HIVEP2: variants seen among roughly 807,000 people sequenced by gnomAD.
HIVEP2 encodes transcription factor HIVEP2.
Under a neutral mutation model 180.7 loss-of-function variants are expected in HIVEP2, and 14 were observed. The observed-to-expected ratio is 0.08, with a 90% CI of 0.05 to 0.12. The LOEUF is 0.12. Ranked by LOEUF, HIVEP2 falls within the 10% of genes least tolerant of loss-of-function variation. The pLI is 1.00. For synonymous variants in HIVEP2, 1,184 were observed against 1,136.4 expected (o/e 1.04, Z -0.84); for missense variants, 2,579 against 3,008.5 (o/e 0.86, Z 3.34).
intron 8 of HIVEP2, 78 bp downstream of exon 8, chr6:142,761,386 A>G (rs1775232342): frequency 1.4e-6 from 1 of 700,580 alleles, no homozygotes; most frequent in African/African-American, 1.8e-5. Context: ...AAATATCTAA[A>G]CTTATTTTAC....
chr6:142,886,353 T>A (rs1776698586), intron 1 of HIVEP2, among the ~76,000 whole-genome samples: 1 of 152,210 alleles, frequency 6.6e-6, no homozygotes, highest in Admixed American at 6.5e-5. Context: ...GTATAACCAT[T>A]TTAATAGTTT....
At chr6:142,760,993 C>T (rs1353590432) in intron 8 of HIVEP2, among the ~76,000 whole-genome samples, 1 of 152,202 alleles carries the variant, frequency 6.6e-6, no homozygotes, top group African/African-American at 2.4e-5. Flanking sequence ...GAAAGAAAGG[C>T]AACAACCTGT....
intron 2 of HIVEP2, among the ~76,000 whole-genome samples, chr6:142,819,271 G>A (rs1317424018): frequency 6.6e-6 from 1 of 152,012 alleles, no homozygotes; most frequent in Non-Finnish European, 1.5e-5. Context: ...AATGCTTGGG[G>A]TTCAAGGTCT....
chr6:142,809,984 A>T (rs1175459019), intron 2 of HIVEP2, among the ~76,000 whole-genome samples: 2 of 152,238 alleles, frequency 1.3e-5, no homozygotes, highest in African/African-American at 4.8e-5. Context: ...GTCATAGGAC[A>T]TAGGCTAGGC....
chr6:142,842,918 A>C (rs1447184803), intron 1 of HIVEP2, among the ~76,000 whole-genome samples: 1 of 152,170 alleles, frequency 6.6e-6, no homozygotes, highest in Non-Finnish European at 1.5e-5. Context: ...ACATTTAAAC[A>C]TGATTCATTC....
intron 1 of HIVEP2, among the ~76,000 whole-genome samples, chr6:142,919,728 T>C (rs958431940): frequency 9.2e-5 from 14 of 152,182 alleles, no homozygotes; most frequent in African/African-American, 3.4e-4. Flanking sequence ...AATAATAAAA[T>C]GGCATTTTAA....
chr6:142,877,677 A>T (rs1292810495), intron 1 of HIVEP2, among the ~76,000 whole-genome samples: 3 of 152,206 alleles, frequency 2.0e-5, no homozygotes, highest in South Asian at 4.1e-4. Context: ...CTCCTAAACT[A>T]TATCTTTACT....
At chr6:142,872,731 GAACT>G (rs1370962626) in intron 1 of HIVEP2, among the ~76,000 whole-genome samples, 2 of 152,146 alleles carry the variant, frequency 1.3e-5, no homozygotes, top group East Asian at 3.9e-4. Flanking sequence ...CCAGAGATAT[GAACT>G]AACTAGCTAC....
chr6:142,776,097 T>A (rs1327132933), intron 4 of HIVEP2, 50 bp downstream of exon 4: 1 of 152,570 alleles, frequency 6.6e-6, no homozygotes, highest in Non-Finnish European at 1.5e-5. Flanking sequence ...GTCTTCTTAA[T>A]ATAGAAAACA....
chr6:142,854,198 G>A (rs1442305196), intron 1 of HIVEP2, among the ~76,000 whole-genome samples: 3 of 152,140 alleles, frequency 2.0e-5, no homozygotes, highest in Admixed American at 1.3e-4. Context: ...GAGACACTAG[G>A]CAATGTCTGG....
chr6:142,865,478 C>A (rs1776115410), intron 1 of HIVEP2, among the ~76,000 whole-genome samples: 1 of 151,882 alleles, frequency 6.6e-6, no homozygotes, highest in Non-Finnish European at 1.5e-5. Context: ...GTTACCAGTA[C>A]CTTTTTCTTT....
Position 142,772,625 on chromosome 6 carries a change from T to C in HIVEP2, c.2114A>G (p.Asp705Gly). Residue 705 changes from aspartate (D) to glycine (G), a missense_variant, in exon 5 of 10, where the codon GAT becomes GGT. Coordinates refer to ENST00000367603, the MANE Select transcript of HIVEP2 (RefSeq NM_006734.4). The surrounding 1 kb of genome is among the most constrained non-coding windows in gnomAD (Gnocchi z 4.9). ...RKRRKEKSVG[D>G]EEDTPMICSS... ...GCAGATCATGGGCGTGTCCTCTTCA[T>C]CCCCTACGCTCTTCTCTTTCCGGCG... The C allele has an allele frequency of 6.2e-7, 1 of 1,614,228 alleles. No homozygotes were observed. Among genetic ancestry groups the C allele is most frequent in the Non-Finnish European group, 8.5e-7 (1 of 1,180,044 alleles).
chr6:142,808,539 T>G (rs1257853685), intron 2 of HIVEP2, among the ~76,000 whole-genome samples: 7 of 132,850 alleles, frequency 5.3e-5, no homozygotes, highest in African/African-American at 9.0e-5. Context: ...GAGGGAGGGA[T>G]GAAGAAAGGG....
intron 2 of HIVEP2, among the ~76,000 whole-genome samples, chr6:142,801,814 T>C (rs1458000236): frequency 1.3e-5 from 2 of 152,202 alleles, no homozygotes; most frequent in South Asian, 2.1e-4. Flanking sequence ...ATCACAGTTT[T>C]ATAGATGTCC....
intron 1 of HIVEP2, among the ~76,000 whole-genome samples, chr6:142,888,289 G>A (rs182063802): frequency 5.4e-4 from 82 of 152,110 alleles, no homozygotes; most frequent in Non-Finnish European, 1.1e-3. Context: ...AACTCACTGG[G>A]ACCACAGGTG....
At chr6:142,840,551 T>C (rs1204765785) in intron 1 of HIVEP2, among the ~76,000 whole-genome samples, 1 of 152,150 alleles carries the variant, frequency 6.6e-6, no homozygotes, top group East Asian at 1.9e-4. Context: ...ATAATGCACA[T>C]ATAATTGTGT....
At chr6:142,868,164 T>A (rs1776190672) in intron 1 of HIVEP2, among the ~76,000 whole-genome samples, 1 of 152,180 alleles carries the variant, frequency 6.6e-6, no homozygotes, top group Admixed American at 6.6e-5. Context: ...TCACTTAACC[T>A]CACAGTCCAG....
chr6:142,844,934 C>T (rs1020643675), intron 1 of HIVEP2, among the ~76,000 whole-genome samples: 2 of 152,244 alleles, frequency 1.3e-5, no homozygotes, highest in African/African-American at 4.8e-5. Context: ...AGTGAGACCA[C>T]GAAGTGTGTC....
chr6:142,810,830 A>G (rs1157113287), intron 2 of HIVEP2, among the ~76,000 whole-genome samples: 1 of 151,954 alleles, frequency 6.6e-6, no homozygotes, highest in African/African-American at 2.4e-5. Flanking sequence ...ACAGGAGGTA[A>G]GGCTATAGGA....
Sources: gnomAD v4.1 joint callset for allele counts (sites outside exome capture counted in the v4.1 genomes callset) on GRCh38, gnomAD v4.1.1 for gene constraint, Gnocchi (gnomAD v3.1) non-coding constraint, MANE v1.5 for transcripts, NCBI Gene and HGNC (gene_info 2026-07-23, HGNC 2026-07-21) for gene names.